ROBO2: variants seen among roughly 807,000 people sequenced by gnomAD.
ROBO2 encodes roundabout homolog 2.
ROBO2 carries 53 observed loss-of-function variants against 160.8 expected under a neutral mutation model. The ratio of observed to expected loss-of-function variants is 0.33; its 90% CI spans 0.26 to 0.41. The LOEUF is 0.41. Ranked by LOEUF, ROBO2 falls within the 10% of genes least tolerant of loss-of-function variation. ROBO2 has a pLI of 1.00. For missense variants in ROBO2, 1,577 were observed against 1,722.4 expected (o/e 0.92, Z 1.49); for synonymous variants, 664 against 611.7 (o/e 1.09, Z -1.26).
intron 2 of ROBO2, among the ~76,000 whole-genome samples, chr3:76,460,414 T>C (rs1203081106): frequency 6.6e-6 from 1 of 152,182 alleles, no homozygotes; most frequent in African/African-American, 2.4e-5. Flanking sequence ...GGTGACTCAC[T>C]TTGAATGGAT....
chr3:76,217,332 A>C lies in ROBO2; in HGVS notation c.109+279730A>C, dbSNP rs1703614122. On this transcript the variant is annotated intron_variant, in intron 2 of 26. Transcript: ENST00000487694. ...TAAAATCAGAGCAGAACTGAAGGAA[A>C]TAGAGACACAAAAAACCTTTCAAAA... Among the ~76,000 whole-genome samples, 3 of 152,214 alleles carry C rather than the reference A, an allele frequency of 2.0e-5. 1 individual carries two copies. In the South Asian group the frequency reaches 6.2e-4, roughly 31 times the overall value.
intron 2 of ROBO2, among the ~76,000 whole-genome samples, chr3:77,475,546 G>C (rs138954407): frequency 6.6e-6 from 1 of 152,134 alleles, no homozygotes; most frequent in African/African-American, 2.4e-5. Flanking sequence ...AGCAGATCTG[G>C]AGAAGGCCCT....
chr3:76,986,023 T>A (rs780496803), intron 2 of ROBO2, among the ~76,000 whole-genome samples: 2 of 152,230 alleles, frequency 1.3e-5, no homozygotes, highest in Admixed American at 6.5e-5. Context: ...GCCCACTGAC[T>A]ATAAATCTAA....
At chr3:77,403,720 G>A (rs188447978) in intron 2 of ROBO2, among the ~76,000 whole-genome samples, 1 of 151,336 alleles carries the variant, frequency 6.6e-6, no homozygotes, top group Non-Finnish European at 1.5e-5. Context: ...ATATCTCTTT[G>A]GTATAGTGAT....
At chr3:76,279,497 T>C (rs1708117458) in intron 2 of ROBO2, among the ~76,000 whole-genome samples, 1 of 151,994 alleles carries the variant, frequency 6.6e-6, no homozygotes, top group Admixed American at 6.6e-5. Flanking sequence ...TTAGTTATAA[T>C]AGGTCTTAGA....
chr3:76,107,031 A>C (rs2069968190), intron 2 of ROBO2, among the ~76,000 whole-genome samples: 1 of 152,166 alleles, frequency 6.6e-6, no homozygotes, highest in African/African-American at 2.4e-5. Context: ...TAATGGAATT[A>C]ATAAAAAATA....
chr3:77,104,912 A>G (rs1037568631), intron 2 of ROBO2, among the ~76,000 whole-genome samples: 8 of 152,178 alleles, frequency 5.3e-5, no homozygotes, highest in African/African-American at 1.9e-4. Flanking sequence ...TGTAACTTCT[A>G]CTAGACTGTT....
intron 2 of ROBO2, among the ~76,000 whole-genome samples, chr3:77,431,954 A>G (rs2078818294): frequency 6.6e-6 from 1 of 152,220 alleles, no homozygotes; most frequent in African/African-American, 2.4e-5. Flanking sequence ...ACATCCTTGA[A>G]TTCCAAATCC....
At chr3:76,957,085 A>G (rs1205529201) in intron 2 of ROBO2, among the ~76,000 whole-genome samples, 1 of 152,056 alleles carries the variant, frequency 6.6e-6, no homozygotes, top group African/African-American at 2.4e-5. Flanking sequence ...TCCTTGTAAA[A>G]TGTTGATATT....
chr3:76,882,324 G>C (rs2073434485), intron 2 of ROBO2, among the ~76,000 whole-genome samples: 1 of 152,012 alleles, frequency 6.6e-6, no homozygotes, highest in Non-Finnish European at 1.5e-5. Context: ...CAATCTCTTA[G>C]TGTCACATTC....
chr3:77,051,169 C>A (rs1215543018), intron 1 of ROBO2, among the ~76,000 whole-genome samples: 1 of 152,100 alleles, frequency 6.6e-6, no homozygotes, highest in Non-Finnish European at 1.5e-5. Flanking sequence ...CATGTAAATA[C>A]ATTTCATAGC....
chr3:76,018,707 G>T (rs974663848), intron 2 of ROBO2, among the ~76,000 whole-genome samples: 34 of 151,846 alleles, frequency 2.2e-4, no homozygotes, highest in African/African-American at 8.0e-4. Context: ...TTTGCATTAT[G>T]GCCTCCCCAC....
intron 2 of ROBO2, among the ~76,000 whole-genome samples, chr3:77,129,013 G>C (rs779279083): frequency 6.6e-6 from 1 of 152,028 alleles, no homozygotes; most frequent in Non-Finnish European, 1.5e-5. Flanking sequence ...AAGCTGTTGC[G>C]TGAGTATTGG....
chr3:76,022,808 G>GC (rs2107669730), intron 2 of ROBO2, among the ~76,000 whole-genome samples: 1 of 151,766 alleles, frequency 6.6e-6, no homozygotes, highest in South Asian at 2.1e-4. Context: ...AGCTGCATTA[G>GC]CCCCTACAAA....
chr3:77,101,190 G>T (rs569334338), intron 2 of ROBO2, among the ~76,000 whole-genome samples: 1 of 152,334 alleles, frequency 6.6e-6, no homozygotes, highest in East Asian at 1.9e-4. Flanking sequence ...ATTCTGAACT[G>T]AACATAGCAG....
intron 2 of ROBO2, among the ~76,000 whole-genome samples, chr3:77,411,556 T>C (rs985761831): frequency 2.0e-5 from 3 of 152,158 alleles, no homozygotes; most frequent in Non-Finnish European, 2.9e-5. Flanking sequence ...AATGAGGAAG[T>C]CCTTCACACC....
chr3:76,152,117 C>T (rs1232759837), intron 2 of ROBO2, among the ~76,000 whole-genome samples: 1 of 152,136 alleles, frequency 6.6e-6, no homozygotes, highest in African/African-American at 2.4e-5. Context: ...AGGCCATGTG[C>T]GGTGTTTAGC....
intron 2 of ROBO2, among the ~76,000 whole-genome samples, chr3:77,289,744 C>A (rs1460489843): frequency 6.6e-6 from 1 of 151,906 alleles, no homozygotes; most frequent in Non-Finnish European, 1.5e-5. Context: ...GAGGCTAGAT[C>A]ACTGAAGACA....
intron 2 of ROBO2, among the ~76,000 whole-genome samples, chr3:77,235,988 A>T (rs1445940119): frequency 6.6e-6 from 1 of 152,220 alleles, no homozygotes; most frequent in Non-Finnish European, 1.5e-5. Flanking sequence ...CAAACTCTGT[A>T]AAATATTTGA....
Sources: allele counts gnomAD v4.1 joint callset (sites outside exome capture counted in the v4.1 genomes callset), GRCh38; gene constraint gnomAD v4.1.1; transcripts MANE v1.5; gene names NCBI Gene and HGNC (gene_info 2026-07-23, HGNC 2026-07-21).